Variants in MYO3B observed in about 807,000 individuals in gnomAD.
MYO3B encodes the protein myosin IIIB, also known as myosin-IIIb.
In MYO3B, 156 loss-of-function variants were observed where a neutral mutation model predicts 174.6. The observed-to-expected ratio is 0.89, with a 90% CI of 0.78 to 1.02. The LOEUF (loss-of-function observed/expected upper bound fraction) is 1.02. MYO3B is among the 50% of genes least tolerant of loss of function. The probability of loss-of-function intolerance (pLI) is 0.00; values close to 1 mark genes in which losing one functional copy is unlikely to be tolerated. For missense variants in MYO3B, 1,632 were observed against 1,639.4 expected (o/e 1.00, Z 0.08); for synonymous variants, 563 against 569.1 (o/e 0.99, Z 0.15).
chr2:170,315,596 G>A (rs6433194), intron 7 of MYO3B, among the ~76,000 whole-genome samples: 70,839 of 152,034 alleles, frequency 0.47, 16,922 homozygotes, highest in African/African-American at 0.53. Flanking sequence ...GTGAGCCATC[G>A]TGCCCGGCCT....
intron 25 of MYO3B, among the ~76,000 whole-genome samples, chr2:170,478,203 G>A (rs879615191): frequency 5.9e-5 from 9 of 152,072 alleles, no homozygotes; most frequent in Non-Finnish European, 8.8e-5. Flanking sequence ...GAACAGGACT[G>A]GGGCACATTG....
At chr2:170,377,684 TTGTC>T (rs1240049578) in intron 9 of MYO3B, among the ~76,000 whole-genome samples, 2 of 152,186 alleles carry the variant, frequency 1.3e-5, no homozygotes, top group African/African-American at 4.8e-5. Context: ...CAAACTCTGT[TTGTC>T]TGAGAAGCCA....
chr2:170,313,410 G>A (rs886248392), intron 7 of MYO3B, among the ~76,000 whole-genome samples: 1 of 152,138 alleles, frequency 6.6e-6, no homozygotes, highest in African/African-American at 2.4e-5. Context: ...TAGGGGTTGG[G>A]GTTAACCTTA....
chr2:170,402,933 A>G lies in MYO3B; in HGVS notation c.2215A>G (p.Ile739Val), dbSNP rs1296616608. 10 of 1,611,772 alleles carry G rather than the reference A, an allele frequency of 6.2e-6. No individual in the cohort carries two copies. Among genetic ancestry groups the G allele is most frequent in the Non-Finnish European group, 8.5e-6 (10 of 1,178,208 alleles). Reference sequence around the variant, plus strand: ...GAGAAATTCATTTGAGCAGCTCTGCATAAACATCGCCAATGAGCAAATCCA... The same window carrying G: ...GAGAAATTCATTTGAGCAGCTCTGCGTAAACATCGCCAATGAGCAAATCCA... Reference protein sequence around the residue: ...FQRNSFEQLCINIANEQIQYY... With the variant: ...FQRNSFEQLCVNIANEQIQYY... The change falls in exon 19 of 35, where the codon ATA (isoleucine) becomes GTA (valine). Residue 739 changes from isoleucine (I) to valine (V), a missense_variant. Ile to Val is a conservative substitution (Grantham distance 29). Coordinates refer to ENST00000408978, the MANE Select transcript of MYO3B (RefSeq NM_138995.5).
In MYO3B at chr2:170,654,430, G is replaced by A. The variant is rs1247185566; in HGVS notation, c.*1309G>A. On this transcript the variant is annotated 3_prime_UTR_variant, in exon 35 of 35. Coordinates refer to ENST00000408978, the MANE Select transcript of MYO3B (RefSeq NM_138995.5). ...AGATGGGCGGATCATGAAGTCAGGA[G>A]TTCGAGACCAGCCTGACCAACATGG... is the stretch of plus-strand genomic sequence containing the variant. 2 of 152,016 alleles carry A rather than the reference G, an allele frequency of 1.3e-5. No individual in the cohort carries two copies. Among genetic ancestry groups the A allele is most frequent in the Non-Finnish European group, 2.9e-5 (2 of 68,026 alleles). The allele number at this position is 152,016 out of a possible 1,614,324, so 9.4% of individuals were successfully genotyped here.
chr2:170,485,600 A>G (rs571051881), intron 25 of MYO3B, among the ~76,000 whole-genome samples: 1 of 152,292 alleles, frequency 6.6e-6, no homozygotes, highest in Admixed American at 6.5e-5. Context: ...ATTGACATTC[A>G]TGATATTTAT....
chr2:170,426,443 C>T (rs2094662251), intron 22 of MYO3B, among the ~76,000 whole-genome samples: 1 of 150,532 alleles, frequency 6.6e-6, no homozygotes, highest in Non-Finnish European at 1.5e-5. Flanking sequence ...TCACGCCATT[C>T]TACTACCTCA....
chr2:170,538,075 A>C (rs1689845616), intron 30 of MYO3B, among the ~76,000 whole-genome samples: 1 of 152,222 alleles, frequency 6.6e-6, no homozygotes, highest in Non-Finnish European at 1.5e-5. Context: ...AAATTTAGAA[A>C]ATGGAGAATC....
intron 32 of MYO3B, among the ~76,000 whole-genome samples, chr2:170,621,126 C>G (rs1575265917): frequency 6.6e-6 from 1 of 152,030 alleles, no homozygotes; most frequent in African/African-American, 2.4e-5. Flanking sequence ...TGACCTCAAG[C>G]AATCCACCCG....
chr2:170,503,675 G>A (rs1687431855), intron 28 of MYO3B, among the ~76,000 whole-genome samples: 1 of 150,488 alleles, frequency 6.6e-6, no homozygotes, highest in African/African-American at 2.4e-5. Context: ...AGCCTTGCAA[G>A]CACCTCCCCT....
chr2:170,629,827 G>C (rs186871721), intron 32 of MYO3B, among the ~76,000 whole-genome samples: 1 of 152,164 alleles, frequency 6.6e-6, no homozygotes, highest in African/African-American at 2.4e-5. Flanking sequence ...TCCAGCCTGC[G>C]CAACAGAGCG....
chr2:170,580,654 A>G (rs1479466427), intron 32 of MYO3B, among the ~76,000 whole-genome samples: 1 of 152,072 alleles, frequency 6.6e-6, no homozygotes, highest in Non-Finnish European at 1.5e-5. Context: ...AAAACAAAAG[A>G]AAACAAAATA....
chr2:170,447,880 AGCTGTCCTCTGGG>A (rs771764921), intron 23 of MYO3B, among the ~76,000 whole-genome samples: 5 of 152,172 alleles, frequency 3.3e-5, no homozygotes, highest in Non-Finnish European at 7.3e-5. Context: ...AGGGAGTTGA[AGCTGTCCTCTGGG>A]GCTGAGTCAG....
At chr2:170,630,959 G>A (rs890087616) in intron 32 of MYO3B, among the ~76,000 whole-genome samples, 7 of 152,154 alleles carry the variant, frequency 4.6e-5, no homozygotes, top group African/African-American at 1.2e-4. Context: ...AGATACCAGA[G>A]TAGAAAAGCT....
chr2:170,489,989 G>A, intron 25 of MYO3B, among the ~76,000 whole-genome samples: 1 of 150,626 alleles, frequency 6.6e-6, no homozygotes, highest in South Asian at 2.1e-4. Context: ...ACATTAAAAT[G>A]CTATTACAAA....
intron 7 of MYO3B, among the ~76,000 whole-genome samples, chr2:170,330,934 C>A (rs143607445): frequency 1.3e-5 from 2 of 152,320 alleles, no homozygotes; most frequent in Non-Finnish European, 2.9e-5. Context: ...ATCACCATTT[C>A]TTGGCCTACC....
intron 32 of MYO3B, among the ~76,000 whole-genome samples, chr2:170,599,146 A>C (rs1694330933): frequency 6.6e-6 from 1 of 152,144 alleles, no homozygotes; most frequent in Non-Finnish European, 1.5e-5. Context: ...ACCCTACAAG[A>C]CATTCTCCCT....
chr2:170,327,715 G>A (rs1023838909), intron 7 of MYO3B, among the ~76,000 whole-genome samples: 2 of 151,840 alleles, frequency 1.3e-5, no homozygotes, highest in Non-Finnish European at 1.5e-5. Context: ...TAACCTGGAC[G>A]AATCTTTCAC....
At chr2:170,443,750 A>G (rs1415079187) in intron 22 of MYO3B, among the ~76,000 whole-genome samples, 1 of 125,450 alleles carries the variant, frequency 8.0e-6, no homozygotes, top group Non-Finnish European at 1.8e-5. Context: ...ATGAATATAA[A>G]TTCAATTTAT....
Sources: gnomAD v4.1 joint callset for allele counts (sites outside exome capture counted in the v4.1 genomes callset) on GRCh38, gnomAD v4.1.1 for gene constraint, MANE v1.5 for transcripts, NCBI Gene and HGNC (gene_info 2026-07-23, HGNC 2026-07-21) for gene names.